Variants in CCDC6 observed in about 807,000 individuals in gnomAD.
The protein encoded by CCDC6 is coiled-coil domain-containing protein 6.
In CCDC6, 20 loss-of-function variants were observed where a neutral mutation model predicts 56.6. That is an observed-to-expected ratio of 0.35 (90% CI 0.25 to 0.51). The LOEUF (loss-of-function observed/expected upper bound fraction) is 0.51, where lower values mean the gene tolerates loss of function less well. Ranked by LOEUF, CCDC6 falls within the 20% of genes least tolerant of loss-of-function variation. The pLI, the probability that CCDC6 is intolerant of heterozygous loss-of-function variation, is 0.95. For missense variants in CCDC6, 367 were observed against 601.1 expected, an observed-to-expected ratio of 0.61 and a Z score of 4.07; for synonymous variants, 241 against 234.4, an observed-to-expected ratio of 1.03 and a Z score of -0.26.
At chr10:59,895,962 G>T (rs72811531) in intron 1 of CCDC6, among the ~76,000 whole-genome samples, 4,726 of 152,238 alleles carry the variant, frequency 0.031, 102 homozygotes, top group Middle Eastern at 0.058. Context: ...GCAGCCCAAG[G>T]CTTGGCCAAA....
chr10:59,901,335 G>A lies in CCDC6; in HGVS notation c.303+4787C>T, dbSNP rs184796393. ...TCGTCACATTTATAAAGGCAATATC[G>A]ATTTGTAGCTTCAGAGTCTGACAAA... On this transcript the variant is annotated intron_variant, in intron 1 of 8. Transcript: ENST00000263102. Among the ~76,000 whole-genome samples the A allele has an allele frequency of 4.3e-3, 662 of 152,202 alleles. 4 individuals are homozygous for A. Among genetic ancestry groups the A allele is most frequent in the Non-Finnish European group, 5.8e-3 (397 of 67,998 alleles).
At chr10:59,860,626 G>A (rs1419520774) in intron 1 of CCDC6, among the ~76,000 whole-genome samples, 1 of 152,122 alleles carries the variant, frequency 6.6e-6, no homozygotes, top group African/African-American at 2.4e-5. Context: ...TTCACAGCTG[G>A]AAGAATTAAA....
At chr10:59,899,599 C>T (rs996867726) in intron 1 of CCDC6, among the ~76,000 whole-genome samples, 3 of 152,200 alleles carry the variant, frequency 2.0e-5, no homozygotes, top group Non-Finnish European at 4.4e-5. Context: ...TGCATTACTG[C>T]ATCCCCCTGC....
intron 1 of CCDC6, among the ~76,000 whole-genome samples, chr10:59,865,872 AAAG>A (rs2071172607): frequency 6.6e-6 from 1 of 151,274 alleles, no homozygotes; most frequent in South Asian, 2.1e-4. Flanking sequence ...AAAAAAAAAA[AAAG>A]AATACCATTC....
intron 1 of CCDC6, among the ~76,000 whole-genome samples, chr10:59,875,987 G>T (rs181554974): frequency 1.1e-4 from 16 of 147,744 alleles, no homozygotes; most frequent in African/African-American, 4.0e-4. Context: ...AAAAAATAAC[G>T]GTTGTTAAAA....
chr10:59,889,106 G>A (rs2132680964), intron 1 of CCDC6, among the ~76,000 whole-genome samples: 1 of 152,234 alleles, frequency 6.6e-6, no homozygotes, highest in African/African-American at 2.4e-5. Flanking sequence ...TTCCTTTTTA[G>A]GGCTATTGAG....
chr10:59,817,710 G>A (rs1053291595), intron 3 of CCDC6, among the ~76,000 whole-genome samples: 1 of 152,118 alleles, frequency 6.6e-6, no homozygotes, highest in Non-Finnish European at 1.5e-5. Context: ...TCAAGACAAA[G>A]CTGTCTTTAC....
In CCDC6 at chr10:59,816,213, A is replaced by G. The variant is rs148898846; in HGVS notation, c.583-1458T>C. ...AGCTGCCTCAGAACCTGAACAATCA[A>G]GACCTGAGAGGAAATGATATAAGGA... On this transcript the variant is annotated intron_variant, in intron 3 of 8. Coordinates refer to ENST00000263102, the MANE Select transcript of CCDC6 (RefSeq NM_005436.5). Among the ~76,000 whole-genome samples the G allele has an allele frequency of 2.4e-3, 371 of 152,330 alleles. 1 individual carries two copies. The highest frequency in any genetic ancestry group is 8.7e-3 in the South Asian group (42 of 4,826).
chr10:59,884,950 G>C (rs1050513601), intron 1 of CCDC6, among the ~76,000 whole-genome samples: 1 of 152,080 alleles, frequency 6.6e-6, no homozygotes, highest in African/African-American at 2.4e-5. Flanking sequence ...TGTAGTCCCA[G>C]CTGCTTGGGA....
chr10:59,876,962 T>C (rs1312199419), intron 1 of CCDC6, among the ~76,000 whole-genome samples: 2 of 152,320 alleles, frequency 1.3e-5, no homozygotes, highest in East Asian at 3.9e-4. Context: ...CTAGGCTATG[T>C]GGTATGGCCT....
chr10:59,797,197 T>C (rs75669095), intron 7 of CCDC6, among the ~76,000 whole-genome samples: 14,085 of 152,118 alleles, frequency 0.093, 1,108 homozygotes, highest in African/African-American at 0.21. Flanking sequence ...GGAGTTTAAA[T>C]AGCCAATCTC....
chr10:59,844,586 C>T (rs2070972867), intron 2 of CCDC6, among the ~76,000 whole-genome samples: 1 of 140,662 alleles, frequency 7.1e-6, no homozygotes, highest in African/African-American at 2.9e-5. Flanking sequence ...CCTGTCTCTA[C>T]TTAAAAAAAA....
chr10:59,819,410 C>A (rs1207875000), intron 3 of CCDC6, among the ~76,000 whole-genome samples: 1 of 152,152 alleles, frequency 6.6e-6, no homozygotes, highest in Non-Finnish European at 1.5e-5. Context: ...CATTAAAGAG[C>A]AGAGAAGTTA....
intron 1 of CCDC6, among the ~76,000 whole-genome samples, chr10:59,860,377 T>C (rs962126146): frequency 2.0e-5 from 3 of 152,126 alleles, no homozygotes; most frequent in African/African-American, 4.8e-5. Context: ...ATGACCCAGG[T>C]ACCAGGGCCT....
At chr10:59,848,070 TGTGA>T (rs1248113340) in intron 2 of CCDC6, among the ~76,000 whole-genome samples, 1 of 152,170 alleles carries the variant, frequency 6.6e-6, no homozygotes, top group Admixed American at 6.5e-5. Context: ...TCTCAGCCAG[TGTGA>T]GTGAGTGTGC....
chr10:59,826,829 G>C (rs565311805), intron 3 of CCDC6, among the ~76,000 whole-genome samples: 1 of 152,260 alleles, frequency 6.6e-6, no homozygotes, highest in African/African-American at 2.4e-5. Context: ...CTGGAAAATG[G>C]GTAGGGCAAA....
Position 59,889,910 on chromosome 10 carries a change from C to A in CCDC6, c.303+16212G>T, listed in dbSNP as rs2071408970. Among the ~76,000 whole-genome samples the A allele has an allele frequency of 2.0e-5, 3 of 152,180 alleles. No homozygotes were observed. The South Asian group carries it at 6.2e-4, about 32-fold the overall frequency. On this transcript the variant is annotated intron_variant, in intron 1 of 8. Coordinates refer to ENST00000263102, the MANE Select transcript of CCDC6 (RefSeq NM_005436.5). ...TCCCTGGGTTGTCTCATCACCCACC[C>A]CACTTCAGCTTCTCAGCAACTCTAC...
chr10:59,818,986 T>TA (rs2070730903), intron 3 of CCDC6, among the ~76,000 whole-genome samples: 1 of 152,216 alleles, frequency 6.6e-6, no homozygotes, highest in Non-Finnish European at 1.5e-5. Context: ...AACACATCAC[T>TA]ACTATGACCA....
At chr10:59,888,471 C>A (rs781743349) in intron 1 of CCDC6, among the ~76,000 whole-genome samples, 1 of 150,356 alleles carries the variant, frequency 6.7e-6, no homozygotes, top group Non-Finnish European at 1.5e-5. Context: ...CTGGGATGCT[C>A]GGAAGCTGGG....
Sources: allele counts gnomAD v4.1 joint callset (sites outside exome capture counted in the v4.1 genomes callset), GRCh38; gene constraint gnomAD v4.1.1; transcripts MANE v1.5; gene names NCBI Gene and HGNC (gene_info 2026-07-23, HGNC 2026-07-21).